Variants in HS3ST5 observed in about 807,000 individuals in gnomAD.
The protein encoded by HS3ST5 is heparan sulfate glucosamine 3-O-sulfotransferase 5.
HS3ST5 carries 10 observed loss-of-function variants against 25.4 expected under a neutral mutation model. The observed-to-expected ratio is 0.39, with a 90% confidence interval of 0.24 to 0.67. The LOEUF (loss-of-function observed/expected upper bound fraction) is 0.67, where lower values mean the gene tolerates loss of function less well. HS3ST5 is among the 30% of genes least tolerant of loss of function. The pLI is 0.44. For missense variants in HS3ST5, 324 were observed against 420.7 expected, an observed-to-expected ratio of 0.77 and a Z score of 2.01; for synonymous variants, 170 against 162.4, an observed-to-expected ratio of 1.05 and a Z score of -0.36.
chr6:114,164,456 T>C (rs781653510), intron 3 of HS3ST5, among the ~76,000 whole-genome samples: 6 of 152,174 alleles, frequency 3.9e-5, no homozygotes, highest in Non-Finnish European at 8.8e-5. Flanking sequence ...TTAGAAATAC[T>C]TGACAGTTGA....
intron 3 of HS3ST5, among the ~76,000 whole-genome samples, chr6:114,139,427 T>C (rs1356776940): frequency 6.6e-6 from 1 of 150,460 alleles, no homozygotes; most frequent in Admixed American, 6.6e-5. Context: ...GGAGGCAGAG[T>C]GTGCGTTTGT....
At chr6:114,098,132 C>T (rs1775541232) in intron 3 of HS3ST5, among the ~76,000 whole-genome samples, 2 of 151,948 alleles carry the variant, frequency 1.3e-5, no homozygotes, top group Admixed American at 1.3e-4. Context: ...GAGTGAAGAA[C>T]ATACTTTAGA....
At chr6:114,330,044 C>T (rs1057122764) in intron 1 of HS3ST5, among the ~76,000 whole-genome samples, 2 of 152,036 alleles carry the variant, frequency 1.3e-5, no homozygotes, top group Non-Finnish European at 2.9e-5. Flanking sequence ...ATGCACAGTC[C>T]GGTGGGAGTG....
chr6:114,096,788 C>T (rs905613167), intron 3 of HS3ST5, among the ~76,000 whole-genome samples: 15 of 151,838 alleles, frequency 9.9e-5, no homozygotes, highest in African/African-American at 3.6e-4. Context: ...AGGTGGGAGG[C>T]CTGACTATCA....
At chr6:114,079,726 A>G (rs1215573091) in intron 3 of HS3ST5, among the ~76,000 whole-genome samples, 1 of 152,188 alleles carries the variant, frequency 6.6e-6, no homozygotes, top group Non-Finnish European at 1.5e-5. Flanking sequence ...GATCTATGAG[A>G]GGAATCACAA....
At chr6:114,237,451 A>G (rs1562248212) in intron 1 of HS3ST5, among the ~76,000 whole-genome samples, 1 of 151,896 alleles carries the variant, frequency 6.6e-6, no homozygotes, top group Non-Finnish European at 1.5e-5. Context: ...TTGTCTATTC[A>G]TATAAAAAGC....
In HS3ST5 at chr6:114,058,027, G is replaced by A. The variant is rs202101806; in HGVS notation, c.271C>T (p.Pro91Ser). Residue 91 changes from proline to serine, a missense_variant, in exon 5 of 5, where the codon CCC becomes TCC. By Grantham distance (74) the Pro-to-Ser change is moderately conservative (BLOSUM62 -1). This residue lies in a region of HS3ST5 where 121 missense variants were observed against 117.3 expected (regional missense o/e 1.03). Transcript: ENST00000312719. The stretch of plus-strand genomic sequence containing the variant: ...CTCACCCCAATGATAATGGCCTTGG[G>A]GAGCTGCTGGACCAGGTCATGGAGG... The part of the protein sequence containing the change: ...VRLHDLVQQL[P>S]KAIIIGVRKG... 1 of 1,614,202 alleles carries A rather than the reference G, an allele frequency of 6.2e-7. No individual in the cohort carries two copies.
At chr6:114,220,109 T>C (rs369041005) in intron 2 of HS3ST5, among the ~76,000 whole-genome samples, 1 of 152,058 alleles carries the variant, frequency 6.6e-6, no homozygotes, top group African/African-American at 2.4e-5. Flanking sequence ...ATGGTATGCC[T>C]GGAAATACAT....
intron 2 of HS3ST5, among the ~76,000 whole-genome samples, chr6:114,212,211 A>G (rs1200251102): frequency 6.6e-6 from 1 of 152,226 alleles, no homozygotes; most frequent in Admixed American, 6.5e-5. Context: ...TCTCTAGGAT[A>G]CACAGAGCTT....
At chr6:114,296,408 ATACT>A (rs1211799882) in intron 1 of HS3ST5, among the ~76,000 whole-genome samples, 2 of 152,222 alleles carry the variant, frequency 1.3e-5, no homozygotes, top group South Asian at 2.1e-4. Context: ...GTACATATGT[ATACT>A]TACTTATGAA....
chr6:114,185,741 CTTTT>C (rs780172108), intron 2 of HS3ST5, among the ~76,000 whole-genome samples: 4 of 133,580 alleles, frequency 3.0e-5, no homozygotes, highest in African/African-American at 2.7e-5. Flanking sequence ...TTCTTTCTTT[CTTTT>C]TTTTTTTTTT....
At chr6:114,169,190 T>C (rs1318734591) in intron 2 of HS3ST5, among the ~76,000 whole-genome samples, 2 of 152,188 alleles carry the variant, frequency 1.3e-5, no homozygotes, top group Non-Finnish European at 2.9e-5. Context: ...ATTTCACTAA[T>C]ATATATTCAA....
intron 3 of HS3ST5, among the ~76,000 whole-genome samples, chr6:114,089,543 AG>A (rs2114789500): frequency 6.6e-6 from 1 of 152,350 alleles, no homozygotes; most frequent in South Asian, 2.1e-4. Context: ...AAATTTTCAA[AG>A]CAAACTTATT....
intron 1 of HS3ST5, among the ~76,000 whole-genome samples, chr6:114,258,480 G>A (rs149450654): frequency 2.6e-5 from 4 of 152,186 alleles, no homozygotes; most frequent in Admixed American, 1.3e-4. Flanking sequence ...TGTGCAACAC[G>A]TTTGGGGTAG....
chr6:114,248,544 A>T (rs929777075), intron 1 of HS3ST5, among the ~76,000 whole-genome samples: 15 of 152,172 alleles, frequency 9.9e-5, no homozygotes, highest in African/African-American at 3.1e-4. Flanking sequence ...GATATTTACC[A>T]GACAGTCATG....
At chr6:114,145,971 T>G in intron 3 of HS3ST5, among the ~76,000 whole-genome samples, 1 of 152,230 alleles carries the variant, frequency 6.6e-6, no homozygotes. Flanking sequence ...TACATTTTCC[T>G]AATGTTGTGA....
At chr6:114,143,046 T>G (rs972890755) in intron 3 of HS3ST5, 2 of 152,200 alleles carry the variant, frequency 1.3e-5, no homozygotes, top group African/African-American at 4.8e-5. Flanking sequence ...CTCTCTCTTT[T>G]CCCTTTACTG....
chr6:114,186,835 T>C (rs1427484335), intron 2 of HS3ST5, among the ~76,000 whole-genome samples: 1 of 152,206 alleles, frequency 6.6e-6, no homozygotes, highest in Non-Finnish European at 1.5e-5. Context: ...TGACTTTATT[T>C]TGAAGCCATA....
intron 3 of HS3ST5, among the ~76,000 whole-genome samples, chr6:114,144,192 G>C (rs1350534020): frequency 6.6e-6 from 1 of 152,150 alleles, no homozygotes; most frequent in Admixed American, 6.5e-5. Flanking sequence ...TAGGAGAGCT[G>C]CTTTCCTGTG....
Sources: allele counts gnomAD v4.1 joint callset (sites outside exome capture counted in the v4.1 genomes callset), GRCh38; gene constraint gnomAD v4.1.1; regional missense constraint gnomAD v4.1.1; transcripts MANE v1.5; gene names NCBI Gene and HGNC (gene_info 2026-07-23, HGNC 2026-07-21).